IL18RAP: variants seen among roughly 807,000 people sequenced by gnomAD.
IL18RAP encodes interleukin 18 receptor accessory protein, also known as interleukin-18 receptor accessory protein.
IL18RAP carries 37 observed loss-of-function variants against 58.1 expected under a neutral mutation model. That is an observed-to-expected ratio of 0.64 (90% CI 0.49 to 0.84). The LOEUF is 0.84. Among genes scored for constraint, IL18RAP ranks in the 40% least tolerant of loss-of-function variants. The pLI, the probability that IL18RAP is intolerant of heterozygous loss-of-function variation, is 0.00. For missense variants in IL18RAP, 667 were observed against 704.8 expected, an observed-to-expected ratio of 0.95 and a Z score of 0.61; for synonymous variants, 268 against 257.5, an observed-to-expected ratio of 1.04 and a Z score of -0.39.
intron 3 of IL18RAP, among the ~76,000 whole-genome samples, chr2:102,430,507 G>A (rs913044920): frequency 2.0e-5 from 3 of 151,988 alleles, no homozygotes; most frequent in African/African-American, 7.2e-5. Flanking sequence ...CTTTTGATTG[G>A]AGACATATTG....
intron 1 of IL18RAP, 115 bp downstream of exon 1, chr2:102,423,462 A>C: frequency 1.1e-6 from 1 of 934,702 alleles, no homozygotes; most frequent in Non-Finnish European, 1.7e-6. Flanking sequence ...CCATCCTACT[A>C]TTAAAAGGGG....
intron 3 of IL18RAP, among the ~76,000 whole-genome samples, chr2:102,428,851 C>T (rs1178861733): frequency 6.6e-6 from 1 of 151,800 alleles, no homozygotes; most frequent in African/African-American, 2.4e-5. Flanking sequence ...CATATATGGC[C>T]TTTATTGTAT....
chr2:102,434,066 A>G (rs1225405330), intron 3 of IL18RAP: 4 of 152,232 alleles, frequency 2.6e-5, no homozygotes, highest in African/African-American at 9.6e-5. Context: ...AACTGTTTCT[A>G]GGGTTGAAAC....
chr2:102,424,387 A>G lies in IL18RAP; in HGVS notation c.552A>G (p.Ala184=), dbSNP rs778872377. 5 of 1,613,942 alleles carry G rather than the reference A, an allele frequency of 3.1e-6. No individual in the cohort carries two copies. Among genetic ancestry groups the G allele is most frequent in the Non-Finnish European group, 4.2e-6 (5 of 1,179,944 alleles). The change falls in exon 3 of 10, where the codon GCA becomes GCG. Residue 184 remains alanine (A), a synonymous_variant. Transcript: ENST00000687160. ...CCAGTCTCAGCTGCCAAAGTGATGC[A>G]CAAAGTCCAGCGGTAACCTGGTACA... ...SCPSLSCQSD[A]QSPAVTWYKN...
chr2:102,433,463 A>G (rs1361359147), intron 3 of IL18RAP, among the ~76,000 whole-genome samples: 1 of 152,202 alleles, frequency 6.6e-6, no homozygotes, highest in African/African-American at 2.4e-5. Context: ...GTTTCAACCA[A>G]TCCTCCTGCC....
At chr2:102,450,754 C>A in intron 8 of IL18RAP, 94 bp from the exon 9 acceptor site, 1 of 643,868 alleles carries the variant, frequency 1.6e-6, no homozygotes, top group Non-Finnish European at 2.4e-6. Context: ...ATTTCTTATT[C>A]ATTTACCATA....
chr2:102,419,344 A>C (rs1681431168), upstream of IL18RAP: 1 of 152,218 alleles, frequency 6.6e-6, no homozygotes, highest in Non-Finnish European at 1.5e-5. Context: ...TCATAATGAT[A>C]TTAGTTAAAT....
intron 8 of IL18RAP, 96 bp downstream of exon 8, chr2:102,447,303 T>G: frequency 7.2e-7 from 1 of 1,388,372 alleles, no homozygotes; most frequent in Non-Finnish European, 9.9e-7. Context: ...CTTGGCTTTG[T>G]TTCCTCAGAG....
rs1292687879 is a variant in IL18RAP at position 102,424,406 on chromosome 2, T to C, written c.571T>C (p.Trp191Arg). 6.2e-7 allele frequency: 1 copy of C among 1,613,340 alleles called. No homozygotes were observed. The highest frequency in any genetic ancestry group is 8.5e-7 in the Non-Finnish European group (1 of 1,179,632). ...QSDAQSPAVT[W>R]YKNGKLLSVE... ...TGATGCACAAAGTCCAGCGGTAACC[T>C]GGTACAAGGTAAGAGTGAATTCTCT... The change falls in exon 3 of 10, where the codon TGG becomes CGG. Residue 191 changes from tryptophan to arginine, a missense_variant. Transcript: ENST00000687160.
intron 7 of IL18RAP, among the ~76,000 whole-genome samples, chr2:102,446,661 C>T (rs1490348669): frequency 1.3e-5 from 2 of 152,062 alleles, no homozygotes; most frequent in African/African-American, 2.4e-5. Flanking sequence ...ATTAGCCGGG[C>T]GTGGTGGCGG....
Position 102,443,262 on chromosome 2 carries a change from A to G in IL18RAP, c.859A>G (p.Ile287Val). 1 of 1,613,984 alleles carries G rather than the reference A, an allele frequency of 6.2e-7. No homozygotes were observed. Among genetic ancestry groups the G allele is most frequent in the Non-Finnish European group, 8.5e-7 (1 of 1,179,944 alleles). The part of the protein sequence containing the change: ...FGFERVFNPV[I>V]KWYIKDSDLE... ...CTTTGAAAGGGTCTTTAACCCTGTC[A>G]TAAAATGGTACATCAAAGATTCTGA... The change falls in exon 6 of 10, where the codon ATA becomes GTA. Residue 287 changes from isoleucine to valine, a missense_variant. Physicochemically the swap from Ile to Val is conservative, Grantham distance 29 (BLOSUM62 3). Coordinates refer to ENST00000687160, the MANE Select transcript of IL18RAP (RefSeq NM_001393487.1).
chr2:102,427,949 T>A (rs932071180), intron 3 of IL18RAP, among the ~76,000 whole-genome samples: 1 of 151,438 alleles, frequency 6.6e-6, no homozygotes, highest in Non-Finnish European at 1.5e-5. Flanking sequence ...ATTGGAGAGA[T>A]AATCCTTTCC....
chr2:102,449,825 C>A (rs929522986), intron 8 of IL18RAP, among the ~76,000 whole-genome samples: 4 of 152,140 alleles, frequency 2.6e-5, no homozygotes, highest in African/African-American at 9.7e-5. Flanking sequence ...AACAGCACAG[C>A]ACCTACCTGC....
chr2:102,442,343 CAT>C (rs1491423026), intron 5 of IL18RAP, among the ~76,000 whole-genome samples: 9 of 151,532 alleles, frequency 5.9e-5, no homozygotes, highest in Non-Finnish European at 1.0e-4. Context: ...GCTACTAAAA[CAT>C]TTATTATTTT....
At chr2:102,451,052 T>C (rs73944325) in intron 9 of IL18RAP, 31 bp downstream of exon 9, 2 of 1,546,812 alleles carry the variant, frequency 1.3e-6, no homozygotes, top group South Asian at 2.5e-5. Flanking sequence ...AAAACTGCAG[T>C]GCAAAAAGGG....
chr2:102,429,350 A>G (rs547541481), intron 3 of IL18RAP, among the ~76,000 whole-genome samples: 1 of 151,810 alleles, frequency 6.6e-6, no homozygotes, highest in African/African-American at 2.4e-5. Context: ...TATTCATTTT[A>G]TTGGCATATA....
chr2:102,434,375 T>C (rs1338322752), intron 3 of IL18RAP: 1 of 151,640 alleles, frequency 6.6e-6, no homozygotes, highest in Non-Finnish European at 1.5e-5. Flanking sequence ...GTAACTTATG[T>C]TCATGATTTT....
chr2:102,424,157 A>G lies in IL18RAP; in HGVS notation c.395+22A>G, dbSNP rs141511279. The stretch of plus-strand genomic sequence containing the variant: ...TTAAGTATGATCCAAATACATTTCT[A>G]TCTGAAAACATTTCCAAATCCTCTA... On this transcript the variant is annotated intron_variant, in intron 2 of 9. Coordinates refer to ENST00000687160, the MANE Select transcript of IL18RAP (RefSeq NM_001393487.1). The G allele has an allele frequency of 8.0e-4, 1,280 of 1,606,428 alleles. 12 individuals carry two copies. In the East Asian group the frequency reaches 0.026, roughly 32 times the overall value.
chr2:102,428,410 G>T (rs1682112194), intron 3 of IL18RAP, among the ~76,000 whole-genome samples: 1 of 147,652 alleles, frequency 6.8e-6, no homozygotes, highest in African/African-American at 2.5e-5. Context: ...TCAGTATATA[G>T]GTCCTTTACC....
Sources: allele counts gnomAD v4.1 joint callset (sites outside exome capture counted in the v4.1 genomes callset), GRCh38; gene constraint gnomAD v4.1.1; transcripts MANE v1.5; gene names NCBI Gene and HGNC (gene_info 2026-07-23, HGNC 2026-07-21).